TMEM260: variants seen among roughly 807,000 people sequenced by gnomAD.
TMEM260 encodes protein O-mannosyl-transferase TMEM260.
A neutral mutation model predicts 88.9 loss-of-function variants in TMEM260; 82 were observed. The observed-to-expected ratio is 0.92, with a 90% CI of 0.77 to 1.11. The LOEUF is 1.11. Ranked by LOEUF, TMEM260 falls within the 50% of genes least tolerant of loss-of-function variation. TMEM260 has a pLI of 0.00. For synonymous variants in TMEM260, 314 were observed against 309.3 expected, an observed-to-expected ratio of 1.02 and a Z score of -0.16; for missense variants, 902 against 853.4, an observed-to-expected ratio of 1.06 and a Z score of -0.71.
intron 1 of TMEM260, among the ~76,000 whole-genome samples, chr14:56,584,231 T>C (rs1279772687): frequency 2.6e-5 from 4 of 152,144 alleles, no homozygotes; most frequent in African/African-American, 9.7e-5. Context: ...CATTTCCTAA[T>C]AGGTACTAGT....
intron 12 of TMEM260, among the ~76,000 whole-genome samples, chr14:56,626,846 C>A (rs1888274067): frequency 6.6e-6 from 1 of 152,130 alleles, no homozygotes; most frequent in South Asian, 2.1e-4. Context: ...CATCTGTCTC[C>A]CAAGGACAGC....
intron 7 of TMEM260, among the ~76,000 whole-genome samples, chr14:56,614,859 T>G (rs1887503710): frequency 6.6e-6 from 1 of 152,106 alleles, no homozygotes; most frequent in African/African-American, 2.4e-5. Context: ...AATTAACTTA[T>G]GAGAAAATCC....
Position 56,636,542 on chromosome 14 carries a change from G to GAAACTGCTCACATGCCTTC in TMEM260, c.1817_1835dup (p.Lys612AsnfsTer18). 1 of 1,614,024 alleles carries GAAACTGCTCACATGCCTTC rather than the reference G, an allele frequency of 6.2e-7. No individual in the cohort carries two copies. Among genetic ancestry groups the GAAACTGCTCACATGCCTTC allele is most frequent in the Non-Finnish European group, 8.5e-7 (1 of 1,179,990 alleles). ...ACCGTTCTTCATCTTTAACCTGGCAGAAACTGCTCACATGCCTTCAAAAGT... is the reference window on the plus strand; with the variant it reads ...ACCGTTCTTCATCTTTAACCTGGCAGAAACTGCTCACATGCCTTCAAACTGCTCACATGCCTTCAAAAGT... On this transcript the variant is annotated frameshift_variant, in exon 15 of 16. Transcript: ENST00000261556. LOFTEE classifies it high-confidence loss of function.
chr14:56,654,995 G>A (rs540383414), downstream of TMEM260, among the ~76,000 whole-genome samples: 170 of 152,194 alleles, frequency 1.1e-3, no homozygotes, highest in Middle Eastern at 3.4e-3. Context: ...ATAGACTGTA[G>A]TAAAAATAGT....
chr14:56,580,042 C>T lies in TMEM260; in HGVS notation c.128C>T (p.Thr43Ile), dbSNP rs1885006611. 3 of 1,251,492 alleles carry T rather than the reference C, an allele frequency of 2.4e-6. No homozygotes were observed. In the South Asian group the frequency reaches 1.2e-4, roughly 50 times the overall value. 77.5% of individuals were successfully genotyped at this position (1,251,492 alleles called of 1,614,324 possible). A position where few individuals can be genotyped will look rare whatever the true frequency, so the allele number is the denominator to read the frequency against. Residue 43 changes from threonine (T) to isoleucine (I), a missense_variant, in exon 1 of 16, where the codon ACC becomes ATC. Physicochemically the swap from Thr to Ile is moderately conservative, Grantham distance 89. Transcript: ENST00000261556. ...FAAVAAVFTF[T>I]LPPSVPGGDS... ...GCCGTGGCCGCAGTGTTCACCTTCA[C>T]CCTGCCCCCTTCGGTACCGGGGGGA...
chr14:56,660,621 G>A, the TMEM260 span, among the ~76,000 whole-genome samples: 2 of 152,136 alleles, frequency 1.3e-5, no homozygotes, highest in African/African-American at 4.8e-5. Context: ...TTTCTGGAGG[G>A]GCTAACTGGT....
rs76780784 is a variant in TMEM260 at position 56,607,746 on chromosome 14, G to T, written c.637-1360G>T. Among the ~76,000 whole-genome samples the T allele has an allele frequency of 8.4e-3, 1,285 of 152,198 alleles. 34 individuals carry two copies. In the East Asian group the frequency reaches 0.084, roughly 10 times the overall value. ...TATGTATTTATTTATGCTACAAATT[G>T]ATTCTACCCCAAAATAATTCTGATA... On this transcript the variant is annotated intron_variant, in intron 5 of 15. Transcript: ENST00000261556.
chr14:56,662,973 A>G, the TMEM260 span, among the ~76,000 whole-genome samples: 2 of 152,176 alleles, frequency 1.3e-5, no homozygotes, highest in Non-Finnish European at 2.9e-5. Context: ...TACTAAAAAT[A>G]CAAAATTAGC....
In TMEM260 at chr14:56,636,545, A is replaced by G. The variant is rs148418133; in HGVS notation, c.1816A>G (p.Thr606Ala). Residue 606 changes from threonine (T) to alanine (A), a missense_variant, in exon 15 of 16, where the codon ACT becomes GCT. Coordinates refer to ENST00000261556, the MANE Select transcript of TMEM260 (RefSeq NM_017799.4). ...GTTCTTCATCTTTAACCTGGCAGAA[A>G]CTGCTCACATGCCTTCAAAAGTGAA... ...TPFFIFNLAE[T>A]AHMPSKVKAQ... The G allele has an allele frequency of 1.2e-6, 2 of 1,614,014 alleles. No individual in the cohort carries two copies. The highest frequency in any genetic ancestry group is 1.7e-6 in the Non-Finnish European group (2 of 1,179,980).
chr14:56,617,160 C>T lies in TMEM260; in HGVS notation c.942-23C>T, dbSNP rs903092935. On this transcript the variant is annotated intron_variant, in intron 8 of 15. Transcript: ENST00000261556. ...CATTCATGTATCTAAATATTTTAGACATATTTTTATTATTTTTTGTAGGGA... is the reference window on the plus strand; with the variant it reads ...CATTCATGTATCTAAATATTTTAGATATATTTTTATTATTTTTTGTAGGGA... The T allele has an allele frequency of 3.0e-6, 4 of 1,350,814 alleles. No individual in the cohort carries two copies. The Admixed American group carries it at 6.4e-5, about 21-fold the overall frequency. 83.7% of individuals were successfully genotyped at this position (1,350,814 alleles called of 1,614,324 possible). A position where few individuals can be genotyped will look rare whatever the true frequency, so the allele number is the denominator to read the frequency against.
At chr14:56,610,316 C>T (rs1887176800) in intron 6 of TMEM260, among the ~76,000 whole-genome samples, 1 of 152,152 alleles carries the variant, frequency 6.6e-6, no homozygotes, top group Non-Finnish European at 1.5e-5. Flanking sequence ...TCTCAGCTCG[C>T]TGCAAGCTCC....
intron 3 of TMEM260, among the ~76,000 whole-genome samples, chr14:56,594,121 A>G (rs1886062448): frequency 6.6e-6 from 1 of 152,236 alleles, no homozygotes; most frequent in Non-Finnish European, 1.5e-5. Context: ...TGATTAAAAT[A>G]TGTATTTCAT....
At chr14:56,620,177 T>A (rs920313286) in intron 10 of TMEM260, among the ~76,000 whole-genome samples, 1 of 151,866 alleles carries the variant, frequency 6.6e-6, no homozygotes, top group Non-Finnish European at 1.5e-5. Flanking sequence ...CAGAAAAAAA[T>A]AACTATTGTG....
chr14:56,649,801 A>T (rs1006798747), downstream of TMEM260, among the ~76,000 whole-genome samples: 1 of 152,198 alleles, frequency 6.6e-6, no homozygotes. Flanking sequence ...TTATTGTCAA[A>T]TGGTACCTAG....
chr14:56,626,768 G>A (rs1391457914), intron 12 of TMEM260, among the ~76,000 whole-genome samples: 2 of 152,138 alleles, frequency 1.3e-5, no homozygotes, highest in Non-Finnish European at 2.9e-5. Context: ...AGAACAATAT[G>A]ATGGAAGTAT....
chr14:56,640,285 C>T (rs912862781), intron 15 of TMEM260, among the ~76,000 whole-genome samples: 2 of 152,090 alleles, frequency 1.3e-5, no homozygotes, highest in African/African-American at 2.4e-5. Flanking sequence ...CCGGGTACTC[C>T]TCTGAGACAA....
At chr14:56,616,120 A>G in intron 8 of TMEM260, 93 bp downstream of exon 8, 1 of 859,118 alleles carries the variant, frequency 1.2e-6, no homozygotes. Flanking sequence ...TGCCAGTATT[A>G]TTTTATACTC....
At chr14:56,653,711 G>A (rs1890245591), downstream of TMEM260, among the ~76,000 whole-genome samples, 1 of 111,324 alleles carries the variant, frequency 9.0e-6, no homozygotes, top group Non-Finnish European at 1.7e-5. Context: ...CTCCAGCCTG[G>A]GTGACAGAGC....
intron 15 of TMEM260, among the ~76,000 whole-genome samples, chr14:56,636,816 A>G (rs1889129066): frequency 1.3e-5 from 2 of 152,232 alleles, no homozygotes; most frequent in African/African-American, 4.8e-5. Flanking sequence ...CCACCCAAAA[A>G]AGATGTCTAG....
Sources: allele counts gnomAD v4.1 joint callset (sites outside exome capture counted in the v4.1 genomes callset), GRCh38; gene constraint gnomAD v4.1.1; transcripts MANE v1.5; gene names NCBI Gene and HGNC (gene_info 2026-07-23, HGNC 2026-07-21).